The following CSMD1 variants were observed in gnomAD, a reference collection of about 807,000 sequenced individuals.
The protein encoded by CSMD1 is CUB and sushi domain-containing protein 1.
A neutral mutation model predicts 417.5 loss-of-function variants in CSMD1; 213 were observed. That is an observed-to-expected ratio of 0.51 (90% CI 0.46 to 0.57). The LOEUF (loss-of-function observed/expected upper bound fraction) is 0.57. Among genes scored for constraint, CSMD1 ranks in the 20% least tolerant of loss-of-function variants. The probability of loss-of-function intolerance (pLI) is 0.00; values close to 1 mark genes in which losing one functional copy is unlikely to be tolerated. For missense variants in CSMD1, 6,923 were observed against 4,529.7 expected, an observed-to-expected ratio of 1.53 and a Z score of -15.17; for synonymous variants, 2,862 against 1,736.8, an observed-to-expected ratio of 1.65 and a Z score of -16.11.
intron 1 of CSMD1, among the ~76,000 whole-genome samples, chr8:4,868,098 CT>C: frequency 6.6e-6 from 1 of 152,182 alleles, no homozygotes; most frequent in Non-Finnish European, 1.5e-5. Context: ...TTAAAACGAC[CT>C]CTCACCAAAC....
intron 1 of CSMD1, among the ~76,000 whole-genome samples, chr8:4,950,004 G>C (rs1016625615): frequency 2.0e-5 from 3 of 152,104 alleles, no homozygotes; most frequent in Non-Finnish European, 2.9e-5. Context: ...CACGACTATT[G>C]ATTGAGATTA....
intron 5 of CSMD1, among the ~76,000 whole-genome samples, chr8:3,838,254 G>C (rs896317444): frequency 1.3e-5 from 2 of 152,018 alleles, no homozygotes; most frequent in Non-Finnish European, 2.9e-5. Flanking sequence ...AAATTCACAA[G>C]TCTGGGCATA....
At chr8:4,457,420 A>C (rs1487794594) in intron 2 of CSMD1, among the ~76,000 whole-genome samples, 1 of 152,058 alleles carries the variant, frequency 6.6e-6, no homozygotes, top group Non-Finnish European at 1.5e-5. Flanking sequence ...AACTCAGGGG[A>C]GTGACAGGGA....
intron 3 of CSMD1, among the ~76,000 whole-genome samples, chr8:4,094,205 G>C (rs1273935818): frequency 6.6e-6 from 1 of 152,008 alleles, no homozygotes; most frequent in Non-Finnish European, 1.5e-5. Context: ...CTGGGTGTGA[G>C]CTTGGCTGCA....
At chr8:3,324,941 C>T (rs746067076) in intron 23 of CSMD1, among the ~76,000 whole-genome samples, 3 of 151,598 alleles carry the variant, frequency 2.0e-5, no homozygotes, top group Admixed American at 1.3e-4. Context: ...GGATTATTTT[C>T]ATATCAGTGT....
intron 7 of CSMD1, among the ~76,000 whole-genome samples, chr8:3,671,113 G>T (rs1002808807): frequency 2.1e-5 from 3 of 145,608 alleles, no homozygotes; most frequent in African/African-American, 7.5e-5. Flanking sequence ...GGATATATAT[G>T]TATATGGGAT....
At chr8:4,229,023 T>C (rs985126705) in intron 3 of CSMD1, among the ~76,000 whole-genome samples, 1 of 152,124 alleles carries the variant, frequency 6.6e-6, no homozygotes. Flanking sequence ...GAGACACATA[T>C]ATCCGACTGT....
At chr8:3,399,777 G>C (rs1221024659) in intron 15 of CSMD1, among the ~76,000 whole-genome samples, 1 of 152,154 alleles carries the variant, frequency 6.6e-6, no homozygotes, top group Admixed American at 6.5e-5. Context: ...GTATACGTGA[G>C]TTCTCTGTGC....
At chr8:4,387,334 G>A (rs1356964757) in intron 3 of CSMD1, among the ~76,000 whole-genome samples, 1 of 151,834 alleles carries the variant, frequency 6.6e-6, no homozygotes, top group African/African-American at 2.4e-5. Flanking sequence ...TACCGTAAGT[G>A]ACAAATGAGC....
chr8:4,081,019 C>A (rs1210617291), intron 3 of CSMD1, among the ~76,000 whole-genome samples: 4 of 152,158 alleles, frequency 2.6e-5, no homozygotes, highest in Non-Finnish European at 5.9e-5. Flanking sequence ...TCGCCTTTGC[C>A]TCCCTTGTGC....
At chr8:3,449,033 T>G (rs1815514324) in intron 12 of CSMD1, among the ~76,000 whole-genome samples, 3 of 152,298 alleles carry the variant, frequency 2.0e-5, no homozygotes, top group Middle Eastern at 3.4e-3. Context: ...GCAGAAAAGT[T>G]TACTTCAAAG....
intron 6 of CSMD1, among the ~76,000 whole-genome samples, chr8:3,748,286 T>G (rs1304284735): frequency 6.6e-6 from 1 of 152,214 alleles, no homozygotes; most frequent in Non-Finnish European, 1.5e-5. Context: ...TTTTAAGAAT[T>G]ATTTAAAGGT....
At chr8:4,281,115 G>C (rs1462196444) in intron 3 of CSMD1, among the ~76,000 whole-genome samples, 1 of 152,158 alleles carries the variant, frequency 6.6e-6, no homozygotes, top group African/African-American at 2.4e-5. Context: ...TGAGGCCTCT[G>C]CTGGCCCCTA....
intron 3 of CSMD1, among the ~76,000 whole-genome samples, chr8:4,069,881 G>C (rs1450001957): frequency 7.7e-6 from 1 of 129,814 alleles, no homozygotes; most frequent in African/African-American, 2.6e-5. Flanking sequence ...ACAGTAAGGT[G>C]TTTTGTTTTG....
intron 28 of CSMD1, among the ~76,000 whole-genome samples, chr8:3,221,824 C>G (rs550143618): frequency 6.6e-6 from 1 of 152,166 alleles, no homozygotes; most frequent in East Asian, 1.9e-4. Flanking sequence ...CAGCCCTGAA[C>G]GAGCCTGGGA....
intron 50 of CSMD1, among the ~76,000 whole-genome samples, chr8:3,047,079 G>C (rs112282842): frequency 0.25 from 37,277 of 151,668 alleles, 5,245 homozygotes; most frequent in East Asian, 0.33. Context: ...GTGGTGGCGG[G>C]TGCCTGTAAT....
intron 4 of CSMD1, among the ~76,000 whole-genome samples, chr8:4,023,061 C>A (rs978351371): frequency 8.5e-5 from 13 of 152,208 alleles, no homozygotes; most frequent in Admixed American, 1.3e-4. Context: ...TCCTGGCTCT[C>A]TTTGCAGTGA....
intron 1 of CSMD1, among the ~76,000 whole-genome samples, chr8:4,971,956 G>C (rs1367326953): frequency 6.6e-6 from 1 of 151,976 alleles, no homozygotes; most frequent in African/African-American, 2.4e-5. Flanking sequence ...TCATGCATTT[G>C]AAGGATAATA....
At chr8:4,123,626 T>C (rs554122096) in intron 3 of CSMD1, among the ~76,000 whole-genome samples, 5 of 152,338 alleles carry the variant, frequency 3.3e-5, no homozygotes, top group African/African-American at 1.2e-4. Context: ...ATTTTTCCTT[T>C]GATGATAACA....
Sources: gnomAD v4.1 joint callset for allele counts (sites outside exome capture counted in the v4.1 genomes callset) on GRCh38, gnomAD v4.1.1 for gene constraint, MANE v1.5 for transcripts, NCBI Gene and HGNC (gene_info 2026-07-23, HGNC 2026-07-21) for gene names.